QTMAN: variants seen among roughly 807,000 people sequenced by gnomAD.
The protein encoded by QTMAN is queuosine-tRNA mannosyltransferase, also known as tRNA-queuosine alpha-mannosyltransferase.
At chr2:144,303,810 GATCC>G in the QTMAN span, among the ~76,000 whole-genome samples, 3 of 152,124 alleles carry the variant, frequency 2.0e-5, no homozygotes, top group Non-Finnish European at 4.4e-5. Context: ...AATGAACTAT[GATCC>G]CTAAAAGAAA....
At chr2:143,986,320 C>A in the QTMAN span, among the ~76,000 whole-genome samples, 1 of 152,182 alleles carries the variant, frequency 6.6e-6, no homozygotes, top group Non-Finnish European at 1.5e-5. Flanking sequence ...GTCAGGAATT[C>A]ATTCGATGGA....
the QTMAN span, among the ~76,000 whole-genome samples, chr2:144,207,680 C>T: frequency 6.6e-6 from 1 of 152,142 alleles, no homozygotes; most frequent in South Asian, 2.1e-4. Context: ...GATAGTCTTC[C>T]ACGATTTAAC....
chr2:144,022,228 T>C, the QTMAN span, among the ~76,000 whole-genome samples: 1 of 152,158 alleles, frequency 6.6e-6, no homozygotes, highest in Non-Finnish European at 1.5e-5. Flanking sequence ...GGAACTCCTA[T>C]TAGACATATG....
the QTMAN span, among the ~76,000 whole-genome samples, chr2:144,283,748 C>A: frequency 9.2e-5 from 14 of 152,006 alleles, no homozygotes; most frequent in African/African-American, 3.4e-4. Flanking sequence ...ATGCACAACA[C>A]ACTCTAAAAA....
the QTMAN span, among the ~76,000 whole-genome samples, chr2:144,123,224 C>T: frequency 6.6e-6 from 1 of 152,032 alleles, no homozygotes; most frequent in African/African-American, 2.4e-5. Flanking sequence ...CATACTATAC[C>T]AAATTTTCCC....
At chr2:144,299,653 G>C in the QTMAN span, among the ~76,000 whole-genome samples, 1 of 152,154 alleles carries the variant, frequency 6.6e-6, no homozygotes, top group African/African-American at 2.4e-5. Flanking sequence ...AGAATATGGA[G>C]AAATTGAAAT....
the QTMAN span, among the ~76,000 whole-genome samples, chr2:144,318,232 C>CAA: frequency 2.7e-5 from 4 of 150,640 alleles, no homozygotes; most frequent in East Asian, 1.9e-4. Context: ...CACACACACA[C>CAA]AAATTGTGGT....
chr2:144,299,289 C>A, the QTMAN span, among the ~76,000 whole-genome samples: 1 of 152,090 alleles, frequency 6.6e-6, no homozygotes, highest in Non-Finnish European at 1.5e-5. Flanking sequence ...TCCCCCCCAA[C>A]ACCCCCACTT....
the QTMAN span, chr2:143,941,173 A>T: frequency 1.3e-5 from 2 of 152,300 alleles, no homozygotes; most frequent in South Asian, 4.1e-4. Flanking sequence ...AGGCAAGTCA[A>T]CTTCTCCTCA....
chr2:144,058,133 AAC>A, the QTMAN span, among the ~76,000 whole-genome samples: 5,859 of 96,858 alleles, frequency 0.06, 348 homozygotes, highest in East Asian at 0.19. Context: ...CACCCCGCTA[AAC>A]ACACACACAC....
chr2:144,154,194 T>C, the QTMAN span, among the ~76,000 whole-genome samples: 3 of 152,184 alleles, frequency 2.0e-5, no homozygotes, highest in Non-Finnish European at 4.4e-5. Context: ...CCATCACATA[T>C]TTACTGAGTG....
At chr2:144,295,606 T>C in the QTMAN span, among the ~76,000 whole-genome samples, 2 of 151,996 alleles carry the variant, frequency 1.3e-5, no homozygotes, top group African/African-American at 4.8e-5. Context: ...CCAAGGCAGC[T>C]TTTTTGTTTT....
At chr2:144,206,551 G>C in the QTMAN span, among the ~76,000 whole-genome samples, 5 of 152,194 alleles carry the variant, frequency 3.3e-5, no homozygotes, top group African/African-American at 1.2e-4. Flanking sequence ...TTGGGTTAAA[G>C]ACTGATTAGA....
chr2:144,330,546 T>C, the QTMAN span, among the ~76,000 whole-genome samples: 287 of 152,356 alleles, frequency 1.9e-3, 1 homozygote, highest in African/African-American at 6.7e-3. Flanking sequence ...AAGCGCAAGA[T>C]AATTGCTAAT....
the QTMAN span, among the ~76,000 whole-genome samples, chr2:144,184,442 T>A: frequency 6.6e-5 from 10 of 152,260 alleles, no homozygotes; most frequent in South Asian, 2.1e-3. Flanking sequence ...TTAATAAAAT[T>A]AGTTCCTCCA....
chr2:144,091,705 C>T, the QTMAN span, among the ~76,000 whole-genome samples: 2 of 152,140 alleles, frequency 1.3e-5, no homozygotes. Context: ...GGAATGAAGG[C>T]ATTATGACCA....
At chr2:144,208,390 T>C in the QTMAN span, among the ~76,000 whole-genome samples, 3 of 152,264 alleles carry the variant, frequency 2.0e-5, no homozygotes, top group South Asian at 4.2e-4. Context: ...ACACATATGG[T>C]TGGTTCTAAA....
the QTMAN span, chr2:144,141,956 GGGTCT>G: frequency 6.2e-7 from 1 of 1,611,408 alleles, no homozygotes; most frequent in Non-Finnish European, 8.5e-7. Context: ...CCAGATCCTT[GGGTCT>G]GTGATCAGGA....
the QTMAN span, among the ~76,000 whole-genome samples, chr2:144,018,914 T>C: frequency 6.6e-6 from 1 of 152,160 alleles, no homozygotes; most frequent in Admixed American, 6.5e-5. Context: ...AGCTGTGACC[T>C]CCATGATAAC....
Sources: allele counts gnomAD v4.1 joint callset (sites outside exome capture counted in the v4.1 genomes callset), GRCh38; gene constraint gnomAD v4.1.1; transcripts MANE v1.5; gene names NCBI Gene and HGNC (gene_info 2026-07-23, HGNC 2026-07-21).